CHODL: variants seen among roughly 807,000 people sequenced by gnomAD.
The protein encoded by CHODL is chondrolectin.
CHODL carries 29 observed loss-of-function variants against 34.5 expected under a neutral mutation model. The ratio of observed to expected loss-of-function variants is 0.84; its 90% CI spans 0.63 to 1.15. The LOEUF is 1.15. Among genes scored for constraint, CHODL ranks in the 50% most tolerant of loss-of-function variants. CHODL has a pLI of 0.00. For synonymous variants in CHODL, 125 were observed against 116.1 expected (o/e 1.08, Z -0.49); for missense variants, 332 against 332.5 (o/e 1.00, Z 0.01).
At chr21:18,068,351 T>A (rs1350355596) in intron 2 of CHODL, among the ~76,000 whole-genome samples, 1 of 151,952 alleles carries the variant, frequency 6.6e-6, no homozygotes, top group Non-Finnish European at 1.5e-5. Flanking sequence ...CACCCGCCAC[T>A]ACGCCCTGCT....
chr21:18,180,755 G>A (rs1305437490), intron 2 of CHODL, among the ~76,000 whole-genome samples: 1 of 152,174 alleles, frequency 6.6e-6, no homozygotes, highest in Non-Finnish European at 1.5e-5. Flanking sequence ...TCAGGCTACT[G>A]CAGGGGAGGC....
intron 2 of CHODL, among the ~76,000 whole-genome samples, chr21:18,145,310 G>A (rs1008442769): frequency 4.7e-5 from 7 of 148,634 alleles, no homozygotes; most frequent in South Asian, 2.2e-4. Context: ...GGTGGCGGGC[G>A]CCTGTAGTCC....
chr21:17,958,255 A>C (rs934646830), intron 1 of CHODL, among the ~76,000 whole-genome samples: 1 of 152,060 alleles, frequency 6.6e-6, no homozygotes, highest in African/African-American at 2.4e-5. Context: ...TTTTCTCCAA[A>C]TGATAGTTTT....
At chr21:17,943,593 C>G (rs1672516477) in intron 1 of CHODL, among the ~76,000 whole-genome samples, 1 of 152,204 alleles carries the variant, frequency 6.6e-6, no homozygotes. Context: ...CAACTACCAA[C>G]TATTTGTGGA....
chr21:17,975,605 T>C (rs1568825582), intron 1 of CHODL, among the ~76,000 whole-genome samples: 1 of 152,164 alleles, frequency 6.6e-6, no homozygotes, highest in Non-Finnish European at 1.5e-5. Flanking sequence ...AAACCCACTC[T>C]TTTTCTTGAC....
Position 18,013,635 on chromosome 21 carries a change from C to CTTT in CHODL, c.-144-14222_-144-14220dup, listed in dbSNP as rs1212894827. 6.7e-4 allele frequency among the ~76,000 whole-genome samples: 48 copies of CTTT among 71,890 alleles called. 12 individuals carry two copies. In the South Asian group the frequency reaches 7.8e-3, roughly 12 times the overall value. 47.2% of individuals were successfully genotyped at this position (71,890 alleles called of 152,430 possible). On this transcript the variant is annotated intron_variant, in intron 1 of 6. Transcript: ENST00000400127. ...GATCATTGATTTTCTGCTGCTGCTG[C>CTTT]TTTTTTTTTTTTTTTTTGAGACAGA... is the stretch of plus-strand genomic sequence containing the variant.
chr21:18,209,065 G>T (rs2146720093), intron 2 of CHODL, among the ~76,000 whole-genome samples: 1 of 152,284 alleles, frequency 6.6e-6, no homozygotes, highest in South Asian at 2.1e-4. Context: ...TCTACAATCA[G>T]CAGGTGTCAA....
At chr21:18,009,318 T>A (rs946055349) in intron 1 of CHODL, among the ~76,000 whole-genome samples, 4 of 152,164 alleles carry the variant, frequency 2.6e-5, no homozygotes, top group Admixed American at 1.3e-4. Flanking sequence ...TCAACACATA[T>A]TTTTTCATTT....
chr21:17,957,893 T>C (rs2063504708), intron 1 of CHODL, among the ~76,000 whole-genome samples: 1 of 151,808 alleles, frequency 6.6e-6, no homozygotes, highest in Admixed American at 6.6e-5. Flanking sequence ...CTTTTTTTTT[T>C]CTTTATAAAT....
Position 18,266,725 on chromosome 21 carries a change from T to C in CHODL, c.*687T>C, listed in dbSNP as rs1001641907. ...AAACATTTTACTTAGAGGCAAGGAT[T>C]GTCTAATTTCAATTGTGCAAGACAT... On this transcript the variant is annotated 3_prime_UTR_variant, in exon 6 of 6. Coordinates refer to ENST00000299295, the MANE Select transcript of CHODL (RefSeq NM_024944.3). 2 of 152,838 alleles carry C rather than the reference T, an allele frequency of 1.3e-5. No individual in the cohort carries two copies. The highest frequency in any genetic ancestry group is 4.8e-5 in the African/African-American group (2 of 41,468). The allele number at this position is 152,838 out of a possible 1,614,324, so 9.5% of individuals were successfully genotyped here.
At chr21:18,192,430 G>A (rs576492920) in intron 2 of CHODL, among the ~76,000 whole-genome samples, 1 of 152,250 alleles carries the variant, frequency 6.6e-6, no homozygotes, top group South Asian at 2.1e-4. Context: ...TGCATCTCAA[G>A]TTTGGTTTCA....
At chr21:18,144,768 A>G (rs1432456188) in intron 2 of CHODL, among the ~76,000 whole-genome samples, 2 of 151,706 alleles carry the variant, frequency 1.3e-5, no homozygotes, top group South Asian at 2.1e-4. Context: ...TTTTCTTTCT[A>G]TGGTATCATT....
chr21:18,252,571 A>C (rs1042910531), intron 1 of CHODL, among the ~76,000 whole-genome samples: 1 of 152,160 alleles, frequency 6.6e-6, no homozygotes. Context: ...TTTTGCTGCA[A>C]CTTGGACCAA....
chr21:18,145,497 A>T (rs1601066137), intron 2 of CHODL, among the ~76,000 whole-genome samples: 1 of 150,754 alleles, frequency 6.6e-6, no homozygotes, highest in African/African-American at 2.4e-5. Context: ...TTTAACCTAT[A>T]TGTGAAAAGA....
chr21:18,075,764 G>A (rs968968086), intron 2 of CHODL, among the ~76,000 whole-genome samples: 4 of 151,998 alleles, frequency 2.6e-5, no homozygotes, highest in African/African-American at 9.7e-5. Context: ...AAATGTTATT[G>A]TACCCCCAAA....
chr21:18,034,045 T>A (rs2146443712), intron 2 of CHODL, among the ~76,000 whole-genome samples: 1 of 152,144 alleles, frequency 6.6e-6, no homozygotes. Flanking sequence ...GAGAACCCTA[T>A]GAGTGGCCCA....
chr21:17,938,517 C>T (rs1296538774), intron 1 of CHODL, among the ~76,000 whole-genome samples: 1 of 121,122 alleles, frequency 8.3e-6, no homozygotes, highest in Admixed American at 9.9e-5. Context: ...CTCGCTCCAT[C>T]GCCCAGGCTG....
At chr21:18,156,335 C>T (rs975573502) in intron 2 of CHODL, among the ~76,000 whole-genome samples, 3 of 152,166 alleles carry the variant, frequency 2.0e-5, no homozygotes, top group Admixed American at 1.3e-4. Flanking sequence ...TGTTCATTTT[C>T]GTTTTTGTTG....
At chr21:18,031,557 G>A (rs1474449810) in intron 2 of CHODL, among the ~76,000 whole-genome samples, 1 of 151,962 alleles carries the variant, frequency 6.6e-6, no homozygotes, top group Non-Finnish European at 1.5e-5. Flanking sequence ...GGAGAAAAAT[G>A]CCATTACATT....
Sources: gnomAD v4.1 joint callset for allele counts (sites outside exome capture counted in the v4.1 genomes callset) on GRCh38, gnomAD v4.1.1 for gene constraint, MANE v1.5 for transcripts, NCBI Gene and HGNC (gene_info 2026-07-23, HGNC 2026-07-21) for gene names.